MAPKAP1: variants seen among roughly 807,000 people sequenced by gnomAD.
The protein encoded by MAPKAP1 is MAPK associated protein 1, also known as target of rapamycin complex 2 subunit MAPKAP1.
In MAPKAP1, 20 loss-of-function variants were observed where a neutral mutation model predicts 65.7. The observed-to-expected ratio is 0.30, with a 90% CI of 0.21 to 0.44. MAPKAP1 has a LOEUF of 0.44. Ranked by LOEUF, MAPKAP1 falls within the 20% of genes least tolerant of loss-of-function variation. The pLI is 1.00. For missense variants in MAPKAP1, 423 were observed against 648.0 expected, an observed-to-expected ratio of 0.65 and a Z score of 3.77; for synonymous variants, 222 against 244.3, an observed-to-expected ratio of 0.91 and a Z score of 0.85.
At chr9:125,545,813 A>G (rs1830405634) in intron 6 of MAPKAP1, among the ~76,000 whole-genome samples, 2 of 152,194 alleles carry the variant, frequency 1.3e-5, no homozygotes, top group African/African-American at 2.4e-5. Context: ...ACAAGGTTAA[A>G]GCAAGCAGAG....
At chr9:125,468,229 A>T in intron 9 of MAPKAP1, 120 bp from the exon 10 acceptor site, 3 of 1,031,608 alleles carry the variant, frequency 2.9e-6, no homozygotes, top group Admixed American at 2.4e-5. Flanking sequence ...GCTCTTTCTT[A>T]GGGCTTTGGG....
intron 4 of MAPKAP1, among the ~76,000 whole-genome samples, chr9:125,589,502 G>C (rs182651318): frequency 1.1e-4 from 17 of 152,326 alleles, no homozygotes; most frequent in Non-Finnish European, 1.8e-4. Context: ...TAGGAACTGA[G>C]TAAATGTTAG....
chr9:125,450,134 G>T (rs1177188276), intron 10 of MAPKAP1, among the ~76,000 whole-genome samples: 1 of 152,036 alleles, frequency 6.6e-6, no homozygotes, highest in Non-Finnish European at 1.5e-5. Context: ...TCTCAAGGGA[G>T]GGTCTCTTCT....
chr9:125,573,906 T>C (rs558689312), intron 5 of MAPKAP1, among the ~76,000 whole-genome samples: 9 of 152,346 alleles, frequency 5.9e-5, no homozygotes, highest in Non-Finnish European at 1.2e-4. Flanking sequence ...AAGCAAACAT[T>C]ATTTAGTTTA....
In MAPKAP1 at chr9:125,581,782, A is replaced by G. The variant is rs369133399; in HGVS notation, c.671+3773T>C. Among the ~76,000 whole-genome samples, 6 of 152,288 alleles carry G rather than the reference A, an allele frequency of 3.9e-5. No individual in the cohort carries two copies. In the South Asian group the frequency reaches 1.2e-3, roughly 32 times the overall value. On this transcript the variant is annotated intron_variant, in intron 5 of 11. Coordinates refer to ENST00000265960, the MANE Select transcript of MAPKAP1 (RefSeq NM_001006617.3). ...GATTTATTTTTAATTAATACAAGATACATGATTTAGGTTGATTTTTTCAGC... is the reference window on the plus strand; with the variant it reads ...GATTTATTTTTAATTAATACAAGATGCATGATTTAGGTTGATTTTTTCAGC...
intron 3 of MAPKAP1, 103 bp from the exon 4 acceptor site, chr9:125,657,902 G>A (rs1834076568): frequency 1.8e-6 from 2 of 1,129,608 alleles, no homozygotes; most frequent in African/African-American, 1.6e-5. Context: ...GGAGCATCCA[G>A]AGACATGTTC....
chr9:125,693,626 T>TAC (rs903668023), intron 1 of MAPKAP1, among the ~76,000 whole-genome samples: 3 of 148,100 alleles, frequency 2.0e-5, no homozygotes, highest in Admixed American at 2.0e-4. Flanking sequence ...CACACATATA[T>TAC]ACACATATAC....
chr9:125,488,232 A>T, intron 8 of MAPKAP1, among the ~76,000 whole-genome samples: 1 of 152,194 alleles, frequency 6.6e-6, no homozygotes, highest in East Asian at 1.9e-4. Flanking sequence ...TTATGATCAG[A>T]AGGATAACAG....
chr9:125,630,442 C>T (rs1451795195), intron 4 of MAPKAP1, among the ~76,000 whole-genome samples: 1 of 152,252 alleles, frequency 6.6e-6, no homozygotes, highest in East Asian at 1.9e-4. Flanking sequence ...TCCAATAACT[C>T]GATTCTACAA....
At chr9:125,486,501 T>C (rs997261584) in intron 8 of MAPKAP1, among the ~76,000 whole-genome samples, 1 of 152,210 alleles carries the variant, frequency 6.6e-6, no homozygotes, top group African/African-American at 2.4e-5. Context: ...CTGGAAAATT[T>C]TGTAACAAAC....
intron 9 of MAPKAP1, among the ~76,000 whole-genome samples, chr9:125,472,422 T>G (rs1248237219): frequency 6.6e-6 from 1 of 152,236 alleles, no homozygotes; most frequent in Non-Finnish European, 1.5e-5. Flanking sequence ...TGCCAATAAA[T>G]GCACACATCT....
chr9:125,626,064 T>A (rs2131673663), intron 4 of MAPKAP1, among the ~76,000 whole-genome samples: 1 of 152,336 alleles, frequency 6.6e-6, no homozygotes, highest in Non-Finnish European at 1.5e-5. Flanking sequence ...AAGAAAATGC[T>A]TTGTACAACC....
At chr9:125,538,652 A>C (rs1830144217) in intron 7 of MAPKAP1, among the ~76,000 whole-genome samples, 1 of 152,116 alleles carries the variant, frequency 6.6e-6, no homozygotes, top group Non-Finnish European at 1.5e-5. Context: ...CCCTACTCCT[A>C]AACTGTTCAT....
chr9:125,509,666 C>A (rs1256238003), intron 7 of MAPKAP1, among the ~76,000 whole-genome samples: 1 of 152,154 alleles, frequency 6.6e-6, no homozygotes, highest in Non-Finnish European at 1.5e-5. Flanking sequence ...CACAGACTGT[C>A]GGGCTTCTCA....
chr9:125,546,683 GC>G (rs1358207174), intron 6 of MAPKAP1, among the ~76,000 whole-genome samples: 2 of 152,294 alleles, frequency 1.3e-5, no homozygotes, highest in East Asian at 3.9e-4. Context: ...TGGGTTTGAA[GC>G]TGAGAAGACA....
intron 5 of MAPKAP1, among the ~76,000 whole-genome samples, chr9:125,568,490 A>T (rs920569116): frequency 1.3e-5 from 2 of 151,976 alleles, no homozygotes; most frequent in Non-Finnish European, 2.9e-5. Context: ...TAAGCTCTTC[A>T]CCTTCCCCAC....
At chr9:125,693,846 T>TATATACACACACAC (rs10646202) in intron 1 of MAPKAP1, among the ~76,000 whole-genome samples, 1 of 135,446 alleles carries the variant, frequency 7.4e-6, no homozygotes, top group African/African-American at 2.7e-5. Context: ...TATACACACA[T>TATATACACACACAC]ACACACACAC....
At chr9:125,651,259 A>G (rs1209705721) in intron 4 of MAPKAP1, among the ~76,000 whole-genome samples, 2 of 152,250 alleles carry the variant, frequency 1.3e-5, no homozygotes, top group Non-Finnish European at 2.9e-5. Flanking sequence ...ACAGTCACAG[A>G]GATAAGTAGC....
At chr9:125,456,132 T>C (rs1853153452) in intron 10 of MAPKAP1, among the ~76,000 whole-genome samples, 1 of 136,778 alleles carries the variant, frequency 7.3e-6, no homozygotes, top group African/African-American at 2.9e-5. Context: ...TCTTGGTTTC[T>C]CTACGTAATA....
Sources: gnomAD v4.1 joint callset for allele counts (sites outside exome capture counted in the v4.1 genomes callset) on GRCh38, gnomAD v4.1.1 for gene constraint, MANE v1.5 for transcripts, NCBI Gene and HGNC (gene_info 2026-07-23, HGNC 2026-07-21) for gene names.